Variants in FUT9 observed in about 807,000 individuals in gnomAD.
The protein encoded by FUT9 is 4-galactosyl-N-acetylglucosaminide 3-alpha-L-fucosyltransferase 9.
In FUT9, 15 loss-of-function variants were observed where a neutral mutation model predicts 29.7. The observed-to-expected ratio is 0.51, with a 90% CI of 0.34 to 0.78. The LOEUF is 0.78. Among genes scored for constraint, FUT9 ranks in the 30% least tolerant of loss-of-function variants. The probability of loss-of-function intolerance (pLI) is 0.01; values close to 1 mark genes in which losing one functional copy is unlikely to be tolerated. For synonymous variants in FUT9, 169 were observed against 153.7 expected (o/e 1.10, Z -0.74); for missense variants, 319 against 425.4 (o/e 0.75, Z 2.20).
At chr6:96,148,165 C>T (rs1244460591) in intron 2 of FUT9, among the ~76,000 whole-genome samples, 4 of 152,138 alleles carry the variant, frequency 2.6e-5, no homozygotes, top group Admixed American at 2.6e-4. Context: ...GTCTTTCCAA[C>T]AGTTTAGTGC....
rs1402538963 is a variant in FUT9 at position 96,206,300 on chromosome 6, A to G, written c.*2065A>G. On this transcript the variant is annotated 3_prime_UTR_variant, in exon 3 of 3. Coordinates refer to ENST00000302103, the MANE Select transcript of FUT9 (RefSeq NM_006581.4). ...ATTAAGAAATAATATTTTTATGTGG[A>G]TGTCCTCCTCAATAAGTAAAGATCT... is the stretch of plus-strand genomic sequence containing the variant. 6.0e-6 allele frequency: 1 copy of G among 167,048 alleles called. No homozygotes were observed. The highest frequency in any genetic ancestry group is 1.9e-4 in the East Asian group (1 of 5,198). The allele number at this position is 167,048 out of a possible 1,614,324, so 10.3% of individuals were successfully genotyped here.
intron 2 of FUT9, among the ~76,000 whole-genome samples, chr6:96,167,969 T>C (rs979928193): frequency 6.6e-6 from 1 of 152,098 alleles, no homozygotes; most frequent in Non-Finnish European, 1.5e-5. Context: ...AAGTTGAAGA[T>C]AGAGCCAACT....
rs1773801488 is a variant in FUT9 at position 96,205,012 on chromosome 6, C to T, written c.*777C>T. ...AGACAGTTCTTTCTGCTACTGATGA[C>T]ACTCATTGTCATAATAAAACAAATA... is the stretch of plus-strand genomic sequence containing the variant. On this transcript the variant is annotated 3_prime_UTR_variant, in exon 3 of 3. Coordinates refer to ENST00000302103, the MANE Select transcript of FUT9 (RefSeq NM_006581.4). 6.1e-6 allele frequency: 1 copy of T among 163,276 alleles called. No individual in the cohort carries two copies. Among genetic ancestry groups the T allele is most frequent in the African/African-American group, 2.5e-5 (1 of 40,150 alleles). The allele number at this position is 163,276 out of a possible 1,614,324, so 10.1% of individuals were successfully genotyped here.
chr6:96,130,092 T>G (rs1158987979), intron 2 of FUT9, among the ~76,000 whole-genome samples: 1 of 152,004 alleles, frequency 6.6e-6, no homozygotes, highest in Admixed American at 6.6e-5. Flanking sequence ...GGAGAGGGGG[T>G]ACGAATCTCA....
chr6:96,103,229 G>A (rs979554658), intron 1 of FUT9, among the ~76,000 whole-genome samples: 17 of 152,168 alleles, frequency 1.1e-4, no homozygotes, highest in African/African-American at 3.4e-4. Context: ...ATATACGCGC[G>A]TGTGTGTATA....
At chr6:96,115,385 T>C (rs1771891412) in intron 2 of FUT9, among the ~76,000 whole-genome samples, 1 of 152,246 alleles carries the variant, frequency 6.6e-6, no homozygotes, top group Non-Finnish European at 1.5e-5. Flanking sequence ...TGTGTACTTA[T>C]AGCACATCTC....
chr6:96,092,129 A>G (rs1398399708), intron 1 of FUT9, among the ~76,000 whole-genome samples: 2 of 152,144 alleles, frequency 1.3e-5, no homozygotes, highest in Non-Finnish European at 2.9e-5. Context: ...AAATTGATTG[A>G]TCTATTTATC....
chr6:96,186,471 T>C (rs1405440777), intron 2 of FUT9, among the ~76,000 whole-genome samples: 1 of 152,152 alleles, frequency 6.6e-6, no homozygotes, highest in Non-Finnish European at 1.5e-5. Flanking sequence ...ACGTCCCTGA[T>C]ATGCACGATG....
At chr6:96,188,973 C>T (rs540389527) in intron 2 of FUT9, among the ~76,000 whole-genome samples, 2 of 152,128 alleles carry the variant, frequency 1.3e-5, no homozygotes, top group East Asian at 3.9e-4. Context: ...GAGATGACAA[C>T]ATTAATCGTA....
At chr6:96,024,741 G>T (rs1770134412) in intron 1 of FUT9, among the ~76,000 whole-genome samples, 2 of 151,776 alleles carry the variant, frequency 1.3e-5, no homozygotes, top group African/African-American at 4.8e-5. Flanking sequence ...ATAACCTCAA[G>T]AATTTACCTA....
chr6:96,150,296 T>C (rs1468130989), intron 2 of FUT9, among the ~76,000 whole-genome samples: 1 of 152,164 alleles, frequency 6.6e-6, no homozygotes, highest in Admixed American at 6.5e-5. Context: ...CAAAGTGGCA[T>C]TTTTGATAGA....
At chr6:96,030,155 A>G (rs1582180331) in intron 1 of FUT9, among the ~76,000 whole-genome samples, 1 of 151,768 alleles carries the variant, frequency 6.6e-6, no homozygotes, top group South Asian at 2.1e-4. Flanking sequence ...AATGATAATT[A>G]TAGAATACTC....
chr6:96,157,279 C>T (rs576138181), intron 2 of FUT9, among the ~76,000 whole-genome samples: 1 of 152,236 alleles, frequency 6.6e-6, no homozygotes, highest in South Asian at 2.1e-4. Flanking sequence ...GAGTCTGTTA[C>T]CAAAGTCACT....
At position 96,186,774 on chromosome 6, in the gene FUT9, G is replaced by T. The variant is rs567907140; in HGVS notation, c.-8-16374G>T. Reference sequence around the variant, plus strand: ...AGAACCAGGAAACCTGAGGACAGAAGATCCATGCTCCAGTTCAACCAGTCA... The same window carrying T: ...AGAACCAGGAAACCTGAGGACAGAATATCCATGCTCCAGTTCAACCAGTCA... On this transcript the variant is annotated intron_variant, in intron 2 of 2. Coordinates refer to ENST00000302103, the MANE Select transcript of FUT9 (RefSeq NM_006581.4). Among the ~76,000 whole-genome samples, 370 of 152,192 alleles carry T rather than the reference G, an allele frequency of 2.4e-3. 1 individual carries two copies. The highest frequency in any genetic ancestry group is 8.6e-3 in the African/African-American group (358 of 41,544).
intron 1 of FUT9, among the ~76,000 whole-genome samples, chr6:96,073,369 A>G (rs1771094206): frequency 6.6e-6 from 1 of 151,836 alleles, no homozygotes; most frequent in Admixed American, 6.6e-5. Flanking sequence ...TAGTCGCTTG[A>G]ACCCAGGAGG....
chr6:96,145,839 G>T (rs765018108), intron 2 of FUT9, among the ~76,000 whole-genome samples: 2 of 152,028 alleles, frequency 1.3e-5, no homozygotes, highest in Non-Finnish European at 2.9e-5. Flanking sequence ...TAAGGATTTT[G>T]ATTTCTATTT....
At chr6:96,170,647 G>T (rs1773097251) in intron 2 of FUT9, among the ~76,000 whole-genome samples, 1 of 151,778 alleles carries the variant, frequency 6.6e-6, no homozygotes, top group Non-Finnish European at 1.5e-5. Context: ...TGAAAACAAT[G>T]GTTTTCCTAT....
At chr6:96,162,167 T>C (rs72922829) in intron 2 of FUT9, among the ~76,000 whole-genome samples, 1 of 152,364 alleles carries the variant, frequency 6.6e-6, no homozygotes, top group Non-Finnish European at 1.5e-5. Context: ...ACCTGTGTCA[T>C]ATCTGAGTCT....
At chr6:96,200,410 T>A (rs1039901041) in intron 2 of FUT9, among the ~76,000 whole-genome samples, 6 of 152,104 alleles carry the variant, frequency 3.9e-5, no homozygotes, top group Admixed American at 2.0e-4. Flanking sequence ...CACAATCCAG[T>A]GGTTAAGCTG....
Sources: gnomAD v4.1 joint callset for allele counts (sites outside exome capture counted in the v4.1 genomes callset) on GRCh38, gnomAD v4.1.1 for gene constraint, MANE v1.5 for transcripts, NCBI Gene and HGNC (gene_info 2026-07-23, HGNC 2026-07-21) for gene names.